SPATA31C2: variants seen among roughly 807,000 people sequenced by gnomAD.
SPATA31C2 encodes the protein spermatogenesis-associated protein 31C2.
In SPATA31C2, 5 loss-of-function variants were observed where a neutral mutation model predicts 11.4. The observed-to-expected ratio is 0.44, with a 90% CI of 0.23 to 0.92. The LOEUF (loss-of-function observed/expected upper bound fraction) is 0.92, where lower values mean the gene tolerates loss of function less well. Among genes scored for constraint, SPATA31C2 ranks in the 40% least tolerant of loss-of-function variants. SPATA31C2 has a pLI of 0.24. For missense variants in SPATA31C2, 1,353 were observed against 1,368.6 expected, an observed-to-expected ratio of 0.99 and a Z score of 0.18; for synonymous variants, 515 against 538.7, an observed-to-expected ratio of 0.96 and a Z score of 0.61.
chr9:88,129,705 G>A lies in SPATA31C2; in HGVS notation c.3332C>T (p.Ala1111Val), dbSNP rs760314940. ...GAGAGTGGCTTGTTGACTGCTGGCT[G>A]CATAGCTCAGCATTCTGCTGTGTTC... The part of the protein sequence containing the change: ...YSEHSRMLSY[A>V]ASSQQATLKN... Residue 1111 changes from alanine (A) to valine (V), a missense_variant, in exon 4 of 4, where the codon GCA (alanine) becomes GTA (valine). Coordinates refer to ENST00000324915, the MANE Select transcript of SPATA31C2 (RefSeq NM_001350978.3). The A allele has an allele frequency of 8.1e-6, 13 of 1,603,484 alleles. No individual in the cohort carries two copies. Among genetic ancestry groups the A allele is most frequent in the Non-Finnish European group, 8.5e-6 (10 of 1,173,354 alleles).
chr9:88,137,982 A>ATGACCAGAGACCTCCCCCGTCTCC (rs1825702279), intron 1 of SPATA31C2, among the ~76,000 whole-genome samples: 1 of 109,186 alleles, frequency 9.2e-6, no homozygotes, highest in African/African-American at 5.3e-5. Flanking sequence ...CCCCCGTCTC[A>ATGACCAGAGACCTCCCCCGTCTCC]TGACCGGTCC....
intron 1 of SPATA31C2, among the ~76,000 whole-genome samples, chr9:88,137,438 AT>A (rs1449251194): frequency 6.8e-6 from 1 of 146,854 alleles, no homozygotes; most frequent in African/African-American, 2.5e-5. Context: ...CAGCCTGGCC[AT>A]GGTGAAACCC....
chr9:88,131,520 T>C lies in SPATA31C2; in HGVS notation c.1517A>G (p.Lys506Arg), dbSNP rs750904461. Residue 506 changes from lysine to arginine, a missense_variant, in exon 4 of 4, where the codon AAG (lysine) becomes AGG (arginine). This residue lies in a region of SPATA31C2 where 1,075 missense variants were observed against 992.8 expected (regional missense o/e 1.08). Transcript: ENST00000324915. Reference sequence around the variant, plus strand: ...GCATGGGTCCCTCTCTAGCTGGAACTTCACCGTCTGTGCCTCCTTGCTGCT... The same window carrying C: ...GCATGGGTCCCTCTCTAGCTGGAACCTCACCGTCTGTGCCTCCTTGCTGCT... ...GESSKEAQTV[K>R]FQLERDPCPH... The C allele has an allele frequency of 6.2e-7, 1 of 1,611,652 alleles. No individual in the cohort carries two copies. Among genetic ancestry groups the C allele is most frequent in the Non-Finnish European group, 8.5e-7 (1 of 1,179,670 alleles).
rs1240171669 is a variant in SPATA31C2 at position 88,130,578 on chromosome 9, C to G, written c.2459G>C (p.Ser820Thr). Residue 820 changes from serine to threonine, a missense_variant, in exon 4 of 4, where the codon AGT (serine) becomes ACT (threonine). Physicochemically the swap from Ser to Thr is moderately conservative, Grantham distance 58. This residue lies in a region of SPATA31C2 where 1,075 missense variants were observed against 992.8 expected (regional missense o/e 1.08). Coordinates refer to ENST00000324915, the MANE Select transcript of SPATA31C2 (RefSeq NM_001350978.3). ...TCMRANLQAT[S>T]EDVRGFKAPG... is the part of the protein sequence containing the mutation. ...AGCCTTGAAACCACGCACATCCTCA[C>G]TTGTGGCTTGGAGGTTTGCTCTCAT... The G allele has an allele frequency of 3.7e-6, 6 of 1,613,524 alleles. No homozygotes were observed. The East Asian group carries it at 8.9e-5, about 24-fold the overall frequency.
chr9:88,133,894 C>T (rs914324301), intron 1 of SPATA31C2, among the ~76,000 whole-genome samples: 31 of 152,132 alleles, frequency 2.0e-4, no homozygotes, highest in Non-Finnish European at 3.8e-4. Flanking sequence ...CGGTGGCTCA[C>T]GCCTATAATC....
In SPATA31C2 at chr9:88,131,733, A is replaced by G. The variant is rs1326580949; in HGVS notation, c.1304T>C (p.Leu435Pro). 1.2e-6 allele frequency: 2 copies of G among 1,611,840 alleles called. No individual in the cohort carries two copies. The highest frequency in any genetic ancestry group is 2.7e-5 in the African/African-American group (2 of 74,852). The change falls in exon 4 of 4, where the codon CTG becomes CCG. Residue 435 changes from leucine (L) to proline (P), a missense_variant. By Grantham distance (98) the Leu-to-Pro change is moderately conservative. Around this residue, in one of 6 missense-constraint regions of SPATA31C2, gnomAD observed 1,075 missense variants for 992.8 expected, o/e 1.08. Transcript: ENST00000324915. ...AAAGTTCTCAGGCAGAATGGATGTC[A>G]GTCTTTCCTGGGGAAGGTTAGGAGT... ...VSTPNLPQER[L>P]TSILPENFPV...
In SPATA31C2 at chr9:88,132,295, A is replaced by C; in HGVS notation, c.742T>G (p.Ser248Ala). 1 of 1,610,864 alleles carries C rather than the reference A, an allele frequency of 6.2e-7. No individual in the cohort carries two copies. The highest frequency in any genetic ancestry group is 1.7e-5 in the Admixed American group (1 of 59,848). ...STLLTPSHCD[S>A]VALPLDTVPQ... ...ACGGTGTCCAGTGGAAGTGCCACTG[A>C]GTCACAGTGAGATGGTGTTAACAGA... Residue 248 changes from serine to alanine, a missense_variant, in exon 4 of 4, where the codon TCA (serine) becomes GCA (alanine). Coordinates refer to ENST00000324915, the MANE Select transcript of SPATA31C2 (RefSeq NM_001350978.3).
Position 88,132,692 on chromosome 9 carries a change from A to G in SPATA31C2, c.345T>C (p.Leu115=). ...SQLQSLLGPH[L]EKGDFGQLSG... is the part of the protein sequence containing the mutation. ...AGAGCTGACCAAAGTCACCTTTTTC[A>G]AGGTGTGGCCCCAGGAGGCTGCAGG... Residue 115 remains leucine, a synonymous_variant, in exon 4 of 4, where the codon CTT becomes CTC. Transcript: ENST00000324915. 6.2e-7 allele frequency: 1 copy of G among 1,604,966 alleles called. No individual in the cohort carries two copies. Among genetic ancestry groups the G allele is most frequent in the Non-Finnish European group, 8.5e-7 (1 of 1,176,096 alleles).
intron 2 of SPATA31C2, 23 bp downstream of exon 2, chr9:88,133,571 A>G (rs1486796351): frequency 2.5e-6 from 4 of 1,575,206 alleles, no homozygotes; most frequent in African/African-American, 1.5e-5. Flanking sequence ...AATTAACTCT[A>G]GTGTGCCCTG....
rs371946458 is a variant in SPATA31C2 at position 88,132,182 on chromosome 9, G to A, written c.855C>T (p.Ala285=). 1 of 1,610,616 alleles carries A rather than the reference G, an allele frequency of 6.2e-7. No individual in the cohort carries two copies. Among genetic ancestry groups the A allele is most frequent in the South Asian group, 1.1e-5 (1 of 91,024 alleles). ...TGGTAGTCTCCTGCGACCAGGAGAG[G>A]GCAGAAACTTGACTGTTTGAGCCGC... ...GLGGSNSQVS[A]LSWSQETTKT... The change falls in exon 4 of 4, where the codon GCC becomes GCT. Residue 285 remains alanine (A), a synonymous_variant. Coordinates refer to ENST00000324915, the MANE Select transcript of SPATA31C2 (RefSeq NM_001350978.3).
chr9:88,131,953 G>A lies in SPATA31C2; in HGVS notation c.1084C>T (p.Pro362Ser), dbSNP rs1427294055. 1 of 1,611,010 alleles carries A rather than the reference G, an allele frequency of 6.2e-7. No individual in the cohort carries two copies. The highest frequency in any genetic ancestry group is 1.3e-5 in the African/African-American group (1 of 74,984). Residue 362 changes from proline to serine, a missense_variant, in exon 4 of 4, where the codon CCA becomes TCA. Transcript: ENST00000324915. ...GATAGAAAAGCAGGAGATAGGACTG[G>A]GAAAGAGGATTGAAGATGGGCCTGA... ...EAQAHLQSSF[P>S]VLSPAFLSPM...
At chr9:88,134,595 C>T (rs1327464370) in intron 1 of SPATA31C2, among the ~76,000 whole-genome samples, 5 of 137,726 alleles carry the variant, frequency 3.6e-5, no homozygotes, top group Non-Finnish European at 7.9e-5. Context: ...TCCCAGTACA[C>T]GATCTACCCC....
intron 1 of SPATA31C2, among the ~76,000 whole-genome samples, chr9:88,133,930 G>A (rs1469659865): frequency 6.6e-6 from 1 of 152,170 alleles, no homozygotes; most frequent in Non-Finnish European, 1.5e-5. Flanking sequence ...GCTGAGGCAG[G>A]TGGATCACCT....
intron 1 of SPATA31C2, among the ~76,000 whole-genome samples, chr9:88,135,593 G>A (rs879696007): frequency 0.012 from 1,547 of 130,220 alleles, 17 homozygotes; most frequent in Admixed American, 0.059. Context: ...CTCACTGCAA[G>A]CTCCGCCTCC....
Position 88,131,739 on chromosome 9 carries a change from T to A in SPATA31C2, c.1298A>T (p.Glu433Val). The A allele has an allele frequency of 6.2e-7, 1 of 1,611,914 alleles. No homozygotes were observed. The highest frequency in any genetic ancestry group is 2.2e-5 in the East Asian group (1 of 44,870). Reference sequence around the variant, plus strand: ...CTCAGGCAGAATGGATGTCAGTCTTTCCTGGGGAAGGTTAGGAGTGGAGAC... The same window carrying A: ...CTCAGGCAGAATGGATGTCAGTCTTACCTGGGGAAGGTTAGGAGTGGAGAC... Reference protein sequence around the residue: ...FSVSTPNLPQERLTSILPENF... With the variant: ...FSVSTPNLPQVRLTSILPENF... The change falls in exon 4 of 4, where the codon GAA becomes GTA. Residue 433 changes from glutamate (E) to valine (V), a missense_variant. Coordinates refer to ENST00000324915, the MANE Select transcript of SPATA31C2 (RefSeq NM_001350978.3).
At chr9:88,136,793 G>T (rs2118729732) in intron 1 of SPATA31C2, among the ~76,000 whole-genome samples, 1 of 131,558 alleles carries the variant, frequency 7.6e-6, no homozygotes, top group East Asian at 2.5e-4. Context: ...CTCTGGCATG[G>T]CTTCAGCAAG....
chr9:88,134,341 CG>C (rs1316531360), intron 1 of SPATA31C2, among the ~76,000 whole-genome samples: 49 of 137,288 alleles, frequency 3.6e-4, no homozygotes, highest in African/African-American at 1.2e-3. Flanking sequence ...GGGAGGCCCT[CG>C]GGGGCCCAGC....
rs369739362 is a variant in SPATA31C2, at chr9:88,132,198, T to G, written c.839A>C (p.Asn280Thr). The G allele has an allele frequency of 1.2e-6, 2 of 1,610,436 alleles. No individual in the cohort carries two copies. The highest frequency in any genetic ancestry group is 1.3e-5 in the African/African-American group (1 of 74,826). ...VPGISGLGGS[N>T]SQVSALSWSQ... Reference sequence around the variant, plus strand: ...CCAGGAGAGGGCAGAAACTTGACTGTTTGAGCCGCCAAGGCCTGAGATGCC... The same window carrying G: ...CCAGGAGAGGGCAGAAACTTGACTGGTTGAGCCGCCAAGGCCTGAGATGCC... Residue 280 changes from asparagine to threonine, a missense_variant, in exon 4 of 4, where the codon AAC becomes ACC. Coordinates refer to ENST00000324915, the MANE Select transcript of SPATA31C2 (RefSeq NM_001350978.3).
Position 88,132,375 on chromosome 9 carries a change from G to A in SPATA31C2, c.662C>T (p.Ala221Val). The A allele has an allele frequency of 6.2e-7, 1 of 1,611,142 alleles. No individual in the cohort carries two copies. The highest frequency in any genetic ancestry group is 8.5e-7 in the Non-Finnish European group (1 of 1,178,066). Reference sequence around the variant, plus strand: ...GCCTTTCGGAGGAGGCGGAGAGCAGGCCAGAGGATCAGGAGTGCGTGGTGG... The same window carrying A: ...GCCTTTCGGAGGAGGCGGAGAGCAGACCAGAGGATCAGGAGTGCGTGGTGG... Reference protein sequence around the residue: ...PHPPRTPDPLACSPPPPKGFT... With the variant: ...PHPPRTPDPLVCSPPPPKGFT... The change falls in exon 4 of 4, where the codon GCC (alanine) becomes GTC (valine). Residue 221 changes from alanine (A) to valine (V), a missense_variant. Physicochemically the swap from Ala to Val is moderately conservative, Grantham distance 64. This residue lies in a region of SPATA31C2 where 1,075 missense variants were observed against 992.8 expected (regional missense o/e 1.08). Coordinates refer to ENST00000324915, the MANE Select transcript of SPATA31C2 (RefSeq NM_001350978.3).
Sources: allele counts gnomAD v4.1 joint callset (sites outside exome capture counted in the v4.1 genomes callset), GRCh38; gene constraint gnomAD v4.1.1; regional missense constraint gnomAD v4.1.1; transcripts MANE v1.5; gene names NCBI Gene and HGNC (gene_info 2026-07-23, HGNC 2026-07-21).